Variants in MRTFA observed in about 807,000 individuals in gnomAD.
MRTFA encodes the protein myocardin-related transcription factor A.
A neutral mutation model predicts 83.5 loss-of-function variants in MRTFA; 20 were observed. The ratio of observed to expected loss-of-function variants is 0.24; its 90% CI spans 0.17 to 0.35. MRTFA has a LOEUF of 0.35. Among genes scored for constraint, MRTFA ranks in the 10% least tolerant of loss-of-function variants. MRTFA has a pLI of 1.00. For missense variants in MRTFA, 1,200 were observed against 1,224.7 expected (o/e 0.98, Z 0.30); for synonymous variants, 659 against 541.2 (o/e 1.22, Z -3.02).
intron 2 of MRTFA, among the ~76,000 whole-genome samples, chr22:40,572,150 G>A (rs1307182294): frequency 6.6e-6 from 1 of 152,110 alleles, no homozygotes; most frequent in Admixed American, 6.5e-5. Context: ...GTCTAGAATT[G>A]GGACACATAT....
At position 40,613,179 on chromosome 22, in the gene MRTFA, T is replaced by C. The variant is rs552295332; in HGVS notation, c.-83-18444A>G. On this transcript the variant is annotated intron_variant, in intron 1 of 14. Coordinates refer to ENST00000355630, the MANE Select transcript of MRTFA (RefSeq NM_020831.6). The stretch of plus-strand genomic sequence containing the variant: ...GCTGCATGTATCCATAATTCATTCC[T>C]TTCTTTTTTCTAAGTAGTAATCCAT... Among the ~76,000 whole-genome samples, 3 of 152,324 alleles carry C rather than the reference T, an allele frequency of 2.0e-5. No individual in the cohort carries two copies. The East Asian group carries it at 5.8e-4, about 29-fold the overall frequency.
chr22:40,496,858 G>C (rs775403100), intron 3 of MRTFA, among the ~76,000 whole-genome samples: 4 of 152,194 alleles, frequency 2.6e-5, no homozygotes, highest in Non-Finnish European at 5.9e-5. Context: ...GCTGAGTCAG[G>C]AGTCCTGGTT....
chr22:40,566,400 T>G (rs1339153638), intron 2 of MRTFA, among the ~76,000 whole-genome samples: 1 of 152,104 alleles, frequency 6.6e-6, no homozygotes, highest in African/African-American at 2.4e-5. Context: ...TTTTGCATTT[T>G]TAGTAGAGAC....
At chr22:40,530,109 A>G (rs776722947) in intron 3 of MRTFA, among the ~76,000 whole-genome samples, 1 of 152,190 alleles carries the variant, frequency 6.6e-6, no homozygotes, top group Non-Finnish European at 1.5e-5. Flanking sequence ...TGCTGTTGTT[A>G]TAACTAAGAG....
intron 7 of MRTFA, among the ~76,000 whole-genome samples, chr22:40,426,140 C>T (rs1388517016): frequency 6.6e-6 from 1 of 152,070 alleles, no homozygotes; most frequent in African/African-American, 2.4e-5. Flanking sequence ...AAGACCCCAA[C>T]CCCCATCAGC....
chr22:40,602,376 C>T (rs2056269994), intron 1 of MRTFA, among the ~76,000 whole-genome samples: 1 of 152,142 alleles, frequency 6.6e-6, no homozygotes, highest in African/African-American at 2.4e-5. Flanking sequence ...AATAAAACAG[C>T]AGATTTTTCA....
intron 4 of MRTFA, among the ~76,000 whole-genome samples, chr22:40,457,506 A>AAG: frequency 3.3e-5 from 5 of 149,922 alleles, no homozygotes; most frequent in South Asian, 2.1e-4. Flanking sequence ...AAGAAAGAGA[A>AAG]AGAAAGAAAA....
rs577031537 is a variant in MRTFA, at chr22:40,452,615, G to C, written c.307+10606C>G. Among the ~76,000 whole-genome samples, 10 of 151,872 alleles carry C rather than the reference G, an allele frequency of 6.6e-5. No homozygotes were observed. In the South Asian group the frequency reaches 2.1e-3, roughly 32 times the overall value. On this transcript the variant is annotated intron_variant, in intron 4 of 14. Coordinates refer to ENST00000355630, the MANE Select transcript of MRTFA (RefSeq NM_020831.6). ...GAGGTGGACGGATCACCTGAGGTCA[G>C]GAGTTCGAGCATGGTGAAACCTCGT...
chr22:40,518,588 T>A (rs551694059), intron 3 of MRTFA, among the ~76,000 whole-genome samples: 1 of 151,544 alleles, frequency 6.6e-6, no homozygotes, highest in African/African-American at 2.4e-5. Context: ...AGTCAGAAGA[T>A]CGAGATCATC....
chr22:40,525,763 T>A, intron 3 of MRTFA, among the ~76,000 whole-genome samples: 1 of 151,952 alleles, frequency 6.6e-6, no homozygotes. Context: ...CTAAAAAATA[T>A]CCTAATGATT....
intron 4 of MRTFA, among the ~76,000 whole-genome samples, chr22:40,437,470 C>G (rs2053193064): frequency 1.3e-5 from 2 of 152,138 alleles, no homozygotes; most frequent in African/African-American, 4.8e-5. Context: ...TATATAAATA[C>G]TACGTATCTG....
rs182778828 is a variant in MRTFA, at chr22:40,566,587, T to G, written c.-21-14220A>C. Among the ~76,000 whole-genome samples the G allele has an allele frequency of 1.6e-3, 240 of 152,192 alleles. 1 individual carries two copies. The highest frequency in any genetic ancestry group is 3.8e-3 in the Admixed American group (58 of 15,294). On this transcript the variant is annotated intron_variant, in intron 2 of 14. Transcript: ENST00000355630. ...GGCTCATGCCTGTAATCCAAGCACTTTGGGAGGCCCAAGGCTGATGGATCA... is the reference window on the plus strand; with the variant it reads ...GGCTCATGCCTGTAATCCAAGCACTGTGGGAGGCCCAAGGCTGATGGATCA...
intron 4 of MRTFA, 58 bp from the exon 5 acceptor site, chr22:40,435,612 C>A (rs1256172239): frequency 1.3e-6 from 2 of 1,578,708 alleles, no homozygotes; most frequent in Admixed American, 1.7e-5. Context: ...TCTAGTGCTA[C>A]GATATTCAGT....
At chr22:40,417,763 G>T (rs1011609399) in intron 12 of MRTFA, 2 of 458,774 alleles carry the variant, frequency 4.4e-6, no homozygotes. Flanking sequence ...GATTTCTGCA[G>T]CTTCTTTCTC....
At chr22:40,617,733 A>G (rs1046717282) in intron 1 of MRTFA, among the ~76,000 whole-genome samples, 2 of 151,780 alleles carry the variant, frequency 1.3e-5, no homozygotes, top group African/African-American at 4.8e-5. Flanking sequence ...TCTCAAAAAA[A>G]AAAAAGAAAA....
intron 3 of MRTFA, among the ~76,000 whole-genome samples, chr22:40,471,565 C>T (rs374779814): frequency 3.3e-5 from 5 of 152,308 alleles, no homozygotes; most frequent in Admixed American, 6.5e-5. Flanking sequence ...GAAAGCTTCG[C>T]TGATATATTT....
At position 40,418,506 on chromosome 22, in the gene MRTFA, A is replaced by C; in HGVS notation, c.2232T>G (p.Pro744=). Residue 744 remains proline, a synonymous_variant, in exon 12 of 15, where the codon CCT becomes CCG. Coordinates refer to ENST00000355630, the MANE Select transcript of MRTFA (RefSeq NM_020831.6). ...CCCCCTTGATGAGGCTGGGGCCCTGAGGCCCCAGAAGCAACTGGGGGGCGG... is the reference window on the plus strand; with the variant it reads ...CCCCCTTGATGAGGCTGGGGCCCTGCGGCCCCAGAAGCAACTGGGGGGCGG... 2 of 1,596,258 alleles carry C rather than the reference A, an allele frequency of 1.3e-6. No homozygotes were observed. The highest frequency in any genetic ancestry group is 1.7e-6 in the Non-Finnish European group (2 of 1,174,598).
chr22:40,617,174 G>A (rs2056460139), intron 1 of MRTFA, among the ~76,000 whole-genome samples: 1 of 109,252 alleles, frequency 9.2e-6, no homozygotes, highest in African/African-American at 3.6e-5. Flanking sequence ...GGGAAGGAGG[G>A]AAGGAGGGAA....
At chr22:40,480,543 G>A (rs528153103) in intron 3 of MRTFA, among the ~76,000 whole-genome samples, 1 of 152,120 alleles carries the variant, frequency 6.6e-6, no homozygotes, top group African/African-American at 2.4e-5. Flanking sequence ...GAATAGTATG[G>A]AACATGTAGA....
Sources: allele counts gnomAD v4.1 joint callset (sites outside exome capture counted in the v4.1 genomes callset), GRCh38; gene constraint gnomAD v4.1.1; transcripts MANE v1.5; gene names NCBI Gene and HGNC (gene_info 2026-07-23, HGNC 2026-07-21).